The following NUDCD3 variants were observed in gnomAD, a reference collection of about 807,000 sequenced individuals.
The protein encoded by NUDCD3 is NudC domain containing 3, also known as nudC domain-containing protein 3.
A neutral mutation model predicts 39.7 loss-of-function variants in NUDCD3; 13 were observed. That is an observed-to-expected ratio of 0.33 (90% confidence interval 0.21 to 0.52). The LOEUF is 0.52. Ranked by LOEUF, NUDCD3 falls within the 20% of genes least tolerant of loss-of-function variation. The pLI is 0.96. For synonymous variants in NUDCD3, 175 were observed against 172.4 expected, an observed-to-expected ratio of 1.02 and a Z score of -0.12; for missense variants, 453 against 458.1, an observed-to-expected ratio of 0.99 and a Z score of 0.10.
intron 3 of NUDCD3, 142 bp downstream of exon 3, chr7:44,427,429 C>T: frequency 1.1e-6 from 1 of 886,848 alleles, no homozygotes; most frequent in Non-Finnish European, 1.7e-6. Context: ...GTGCTCAGCT[C>T]ATTCCGAGGG....
At chr7:44,462,818 G>C (rs576692311) in intron 2 of NUDCD3, among the ~76,000 whole-genome samples, 8 of 152,282 alleles carry the variant, frequency 5.3e-5, no homozygotes, top group African/African-American at 1.9e-4. Context: ...ATTATATCAT[G>C]AATTTTCCAG....
chr7:44,404,289 G>T, intron 4 of NUDCD3, 151 bp downstream of exon 4: 1 of 730,120 alleles, frequency 1.4e-6, no homozygotes. Context: ...TCTCTGAGCA[G>T]TATGGAAAAT....
In NUDCD3 at chr7:44,383,952, G is replaced by T. The variant is rs1486454174; in HGVS notation, c.*2059C>A. ...TGCAAGTGGCTGTTCCTGCCATGGG[G>T]CCAATACCCAATACTATCCCTCAGT... is the stretch of plus-strand genomic sequence containing the variant. On this transcript the variant is annotated 3_prime_UTR_variant, in exon 6 of 6. Coordinates refer to ENST00000355451, the MANE Select transcript of NUDCD3 (RefSeq NM_015332.4). 1.3e-5 allele frequency: 2 copies of T among 152,250 alleles called. No individual in the cohort carries two copies. The highest frequency in any genetic ancestry group is 2.4e-5 in the African/African-American group (1 of 41,460). 9.4% of individuals were successfully genotyped at this position (152,250 alleles called of 1,614,324 possible).
At position 44,383,196 on chromosome 7, in the gene NUDCD3, G is replaced by C. The variant is rs1798339091; in HGVS notation, c.*2815C>G. ...ATGTCCTGGAGGAAGCCCATTGCGA[G>C]GGCTCAGCAAAGTTAACAGCAGGTA... On this transcript the variant is annotated 3_prime_UTR_variant, in exon 6 of 6. Coordinates refer to ENST00000355451, the MANE Select transcript of NUDCD3 (RefSeq NM_015332.4). 6.6e-6 allele frequency: 1 copy of C among 152,252 alleles called. No homozygotes were observed. Among genetic ancestry groups the C allele is most frequent in the Non-Finnish European group, 1.5e-5 (1 of 68,064 alleles). The allele number at this position is 152,252 out of a possible 1,614,324, so 9.4% of individuals were successfully genotyped here.
At chr7:44,407,720 G>A (rs1054070197) in intron 3 of NUDCD3, among the ~76,000 whole-genome samples, 1 of 151,622 alleles carries the variant, frequency 6.6e-6, no homozygotes, top group African/African-American at 2.4e-5. Context: ...GATCTGAGAA[G>A]ACACTATATC....
rs866471745 is a variant in NUDCD3, at chr7:44,379,386, T to C, written c.*6625A>G. The C allele has an allele frequency of 5.3e-4, 7 of 13,144 alleles. No individual in the cohort carries two copies. The highest frequency in any genetic ancestry group is 1.7e-3 in the Admixed American group (2 of 1,154). The allele number at this position is 13,144 out of a possible 1,614,324, so 0.8% of individuals were successfully genotyped here. On this transcript the variant is annotated 3_prime_UTR_variant, in exon 6 of 6. Transcript: ENST00000355451. Reference sequence around the variant, plus strand: ...AGGCAGTTGGCGGGGCGGGGCGGGGTGGGGGGGAACAGGGGACAGGGGTGG... The same window carrying C: ...AGGCAGTTGGCGGGGCGGGGCGGGGCGGGGGGGAACAGGGGACAGGGGTGG...
At chr7:44,413,790 C>G (rs568726367) in intron 3 of NUDCD3, among the ~76,000 whole-genome samples, 55 of 152,196 alleles carry the variant, frequency 3.6e-4, no homozygotes, top group African/African-American at 1.3e-3. Context: ...TGGTGGCTCA[C>G]GCCTGTAATC....
intron 2 of NUDCD3, among the ~76,000 whole-genome samples, chr7:44,459,884 C>T (rs1799974654): frequency 6.6e-6 from 1 of 152,174 alleles, no homozygotes; most frequent in Non-Finnish European, 1.5e-5. Flanking sequence ...CAAAACTGAT[C>T]ATACTCTTCA....
At chr7:44,409,565 C>CA (rs536460900) in intron 3 of NUDCD3, among the ~76,000 whole-genome samples, 7,194 of 133,488 alleles carry the variant, frequency 0.054, 484 homozygotes, top group African/African-American at 0.17. Context: ...TCAATAACAG[C>CA]AAAAAAAAAA....
At chr7:44,390,669 A>G (rs546424046) in intron 5 of NUDCD3, among the ~76,000 whole-genome samples, 166 of 152,340 alleles carry the variant, frequency 1.1e-3, no homozygotes, top group African/African-American at 3.8e-3. Context: ...TCATGAATAC[A>G]TCTCAGTCCT....
rs967384378 is a variant in NUDCD3, at chr7:44,476,831, A to T, written c.509+8137T>A. Among the ~76,000 whole-genome samples the T allele has an allele frequency of 6.6e-5, 10 of 152,312 alleles. No individual in the cohort carries two copies. The East Asian group carries it at 1.7e-3, about 26-fold the overall frequency. ...AAGGAATAACGTAAAATGAAGTGCA[A>T]ACTCCAAGGAGGCATGGTTACCTGC... On this transcript the variant is annotated intron_variant, in intron 2 of 5. Transcript: ENST00000355451.
intron 2 of NUDCD3, among the ~76,000 whole-genome samples, chr7:44,471,613 GGA>G (rs1441796186): frequency 6.6e-6 from 1 of 152,206 alleles, no homozygotes; most frequent in Non-Finnish European, 1.5e-5. Context: ...TAAACACATA[GGA>G]GTGTGTAAAC....
intron 2 of NUDCD3, among the ~76,000 whole-genome samples, chr7:44,437,409 T>C (rs184236902): frequency 6.6e-6 from 1 of 152,326 alleles, no homozygotes; most frequent in Non-Finnish European, 1.5e-5. Flanking sequence ...TCTCTTTTCT[T>C]CTCTCAATAA....
intron 3 of NUDCD3, among the ~76,000 whole-genome samples, chr7:44,407,972 C>A (rs1030760401): frequency 6.6e-6 from 1 of 151,768 alleles, no homozygotes; most frequent in Non-Finnish European, 1.5e-5. Flanking sequence ...AAAGTCCCAC[C>A]AAGAGCTAAG....
At chr7:44,391,922 C>T (rs1798524583) in intron 5 of NUDCD3, among the ~76,000 whole-genome samples, 1 of 152,176 alleles carries the variant, frequency 6.6e-6, no homozygotes, top group African/African-American at 2.4e-5. Context: ...CTCCCCTCCT[C>T]TACCAAAGGT....
intron 2 of NUDCD3, among the ~76,000 whole-genome samples, chr7:44,444,630 C>T (rs1320520907): frequency 2.6e-5 from 4 of 152,198 alleles, no homozygotes; most frequent in Non-Finnish European, 5.9e-5. Context: ...CCAACTTTAA[C>T]GTTAATTAGC....
rs1798302809 is a variant in NUDCD3 at position 44,381,384 on chromosome 7, CAGGTGA to C, written c.*4621_*4626del. 1 of 152,424 alleles carries C rather than the reference CAGGTGA, an allele frequency of 6.6e-6. No individual in the cohort carries two copies. The highest frequency in any genetic ancestry group is 6.5e-5 in the Admixed American group (1 of 15,280). 9.4% of individuals were successfully genotyped at this position (152,424 alleles called of 1,614,324 possible). A position where few individuals can be genotyped will look rare whatever the true frequency, so the allele number is the denominator to read the frequency against. On this transcript the variant is annotated 3_prime_UTR_variant, in exon 6 of 6. Transcript: ENST00000355451. Reference sequence around the variant, plus strand: ...GGGAGGAGCGCAAAGTGACTGGGCTCAGGTGAAGGAGCTGTTGGCTTATGAGGAGGC... The same window carrying C: ...GGGAGGAGCGCAAAGTGACTGGGCTCAGGAGCTGTTGGCTTATGAGGAGGC...
At position 44,384,800 on chromosome 7, in the gene NUDCD3, G is replaced by A. The variant is rs1379367222; in HGVS notation, c.*1211C>T. ...GCAGCTGAACCATACTCCCGGCGAT[G>A]GGCACCCAGAGCCCCTGTGAGTACT... On this transcript the variant is annotated 3_prime_UTR_variant, in exon 6 of 6. Transcript: ENST00000355451. The A allele has an allele frequency of 1.3e-5, 2 of 152,262 alleles. No homozygotes were observed. The highest frequency in any genetic ancestry group is 3.8e-4 in the East Asian group (2 of 5,202). 9.4% of individuals were successfully genotyped at this position (152,262 alleles called of 1,614,324 possible).
At chr7:44,490,314 A>T in intron 1 of NUDCD3, 95 bp downstream of exon 1, 1 of 1,215,332 alleles carries the variant, frequency 8.2e-7, no homozygotes, top group African/African-American at 1.6e-5. Flanking sequence ...CAGGAAAAGG[A>T]GGAAACAGGC....
Sources: allele counts gnomAD v4.1 joint callset (sites outside exome capture counted in the v4.1 genomes callset), GRCh38; gene constraint gnomAD v4.1.1; transcripts MANE v1.5; gene names NCBI Gene and HGNC (gene_info 2026-07-23, HGNC 2026-07-21).